The following RUNX1 variants were observed in gnomAD, a reference collection of about 807,000 sequenced individuals.
RUNX1 encodes the protein RUNX family transcription factor 1.
Under a neutral mutation model 42.8 loss-of-function variants are expected in RUNX1, and 19 were observed. That is an observed-to-expected ratio of 0.44 (90% CI 0.31 to 0.65). The LOEUF is 0.65. RUNX1 is among the 30% of genes least tolerant of loss of function. RUNX1 has a pLI of 0.07. For synonymous variants in RUNX1, 271 were observed against 289.4 expected, an observed-to-expected ratio of 0.94 and a Z score of 0.64; for missense variants, 528 against 672.0, an observed-to-expected ratio of 0.79 and a Z score of 2.37.
intron 2 of RUNX1, among the ~76,000 whole-genome samples, chr21:34,956,977 A>G (rs2146689187): frequency 6.6e-6 from 1 of 152,334 alleles, no homozygotes; most frequent in East Asian, 1.9e-4. Flanking sequence ...TGGCAGGGCC[A>G]CGGGTTACAG....
At chr21:35,010,645 A>ACTCATT (rs1218141902) in intron 2 of RUNX1, among the ~76,000 whole-genome samples, 2 of 151,782 alleles carry the variant, frequency 1.3e-5, no homozygotes, top group African/African-American at 4.8e-5. Context: ...ACACACACAC[A>ACTCATT]CACACACTCA....
intron 5 of RUNX1, among the ~76,000 whole-genome samples, chr21:34,874,123 T>C (rs1017341332): frequency 7.6e-5 from 11 of 144,966 alleles, no homozygotes; most frequent in African/African-American, 2.5e-4. Flanking sequence ...GATATTCTCA[T>C]TCTCTCTCTC....
chr21:34,925,112 T>C (rs1252254463), intron 2 of RUNX1, among the ~76,000 whole-genome samples: 1 of 152,210 alleles, frequency 6.6e-6, no homozygotes, highest in Non-Finnish European at 1.5e-5. Flanking sequence ...GTGAGTTCTA[T>C]GCAGGTGCAA....
intron 7 of RUNX1, among the ~76,000 whole-genome samples, chr21:34,809,184 T>C (rs142968557): frequency 3.4e-4 from 51 of 152,208 alleles, no homozygotes; most frequent in African/African-American, 1.1e-3. Context: ...CAGCACATCA[T>C]GGATGTTTAG....
intron 2 of RUNX1, among the ~76,000 whole-genome samples, chr21:34,900,632 C>T (rs1300504197): frequency 6.6e-6 from 1 of 152,226 alleles, no homozygotes; most frequent in Non-Finnish European, 1.5e-5. Flanking sequence ...TTTTTACAGC[C>T]ATGGATAGCC....
chr21:34,905,308 A>G (rs2058209786), intron 2 of RUNX1, among the ~76,000 whole-genome samples: 1 of 152,220 alleles, frequency 6.6e-6, no homozygotes, highest in South Asian at 2.1e-4. Flanking sequence ...AGGCATATCC[A>G]GGCTAGCAAT....
chr21:34,857,286 T>C (rs1391766013), intron 6 of RUNX1, among the ~76,000 whole-genome samples: 1 of 152,216 alleles, frequency 6.6e-6, no homozygotes, highest in Non-Finnish European at 1.5e-5. Flanking sequence ...TTTTCTTAAG[T>C]TGTAAAACAG....
chr21:34,793,734 C>G (rs1222160430), intron 8 of RUNX1, among the ~76,000 whole-genome samples: 1 of 151,282 alleles, frequency 6.6e-6, no homozygotes, highest in Non-Finnish European at 1.5e-5. Context: ...GACAAAGTCT[C>G]GCTCTGTCAC....
intron 2 of RUNX1, among the ~76,000 whole-genome samples, chr21:34,983,240 C>T (rs977331774): frequency 2.0e-5 from 3 of 152,148 alleles, no homozygotes; most frequent in African/African-American, 7.2e-5. Flanking sequence ...ATTAGAAACT[C>T]GAATGGTGAT....
Position 34,843,197 on chromosome 21 carries a change from C to T in RUNX1, c.614-8596G>A, listed in dbSNP as rs2057266576. 6.6e-6 allele frequency among the ~76,000 whole-genome samples: 1 copy of T among 152,102 alleles called. No homozygotes were observed. Among genetic ancestry groups the T allele is most frequent in the Admixed American group, 6.5e-5 (1 of 15,270 alleles). ...AAACACATACAGACACACACATACA[C>T]AGACACCTGGACACACACACAGATA... On this transcript the variant is annotated intron_variant, in intron 6 of 8. Transcript: ENST00000675419. The surrounding 1 kb of genome is among the most constrained non-coding windows in gnomAD (Gnocchi z 4.8).
chr21:34,978,076 T>C (rs1353007014), intron 2 of RUNX1, among the ~76,000 whole-genome samples: 1 of 152,170 alleles, frequency 6.6e-6, no homozygotes, highest in Non-Finnish European at 1.5e-5. Flanking sequence ...CAGCTGGGAC[T>C]ACAGTCACGT....
chr21:34,944,543 T>C (rs555179489), intron 2 of RUNX1, among the ~76,000 whole-genome samples: 1 of 152,334 alleles, frequency 6.6e-6, no homozygotes, highest in East Asian at 1.9e-4. Flanking sequence ...TTTGGGTGGT[T>C]GGCCTCATGT....
At chr21:35,043,520 A>C (rs1367366808) in intron 2 of RUNX1, among the ~76,000 whole-genome samples, 3 of 152,232 alleles carry the variant, frequency 2.0e-5, no homozygotes, top group African/African-American at 7.2e-5. Context: ...TTCTAAACAG[A>C]AAATAAAATA....
intron 2 of RUNX1, among the ~76,000 whole-genome samples, chr21:35,013,227 A>G (rs1310947541): frequency 1.3e-5 from 2 of 152,208 alleles, no homozygotes; most frequent in Admixed American, 1.3e-4. Context: ...TTGGGGGTCT[A>G]TAGATTTAGT....
At chr21:34,834,624 G>T in intron 6 of RUNX1, 23 bp from the exon 7 acceptor site, 7 of 1,461,252 alleles carry the variant, frequency 4.8e-6, no homozygotes, top group Non-Finnish European at 6.7e-6. Flanking sequence ...GCAGGGAGGG[G>T]AGGGGATGGG....
intron 2 of RUNX1, among the ~76,000 whole-genome samples, chr21:35,023,013 C>T (rs1028289901): frequency 5.3e-5 from 8 of 151,712 alleles, no homozygotes; most frequent in Middle Eastern, 3.4e-3. Context: ...AGCATGATTA[C>T]GGCTCACTGC....
chr21:34,978,937 TACACACACACACACACAC>T (rs10673190), intron 2 of RUNX1, among the ~76,000 whole-genome samples: 3 of 134,148 alleles, frequency 2.2e-5, no homozygotes, highest in East Asian at 2.2e-4. Flanking sequence ...CACACACAGA[TACACACACACACACACAC>T]ACACACACAC....
chr21:34,950,564 C>A (rs1363009612), intron 2 of RUNX1, among the ~76,000 whole-genome samples: 1 of 152,162 alleles, frequency 6.6e-6, no homozygotes, highest in Non-Finnish European at 1.5e-5. Flanking sequence ...CACGGCAAAA[C>A]CCCATCTCTA....
At chr21:34,989,383 A>G in intron 2 of RUNX1, among the ~76,000 whole-genome samples, 1 of 151,880 alleles carries the variant, frequency 6.6e-6, no homozygotes, top group East Asian at 1.9e-4. Context: ...CTACAGCTTA[A>G]ATGACTGATA....
Sources: gnomAD v4.1 joint callset for allele counts (sites outside exome capture counted in the v4.1 genomes callset) on GRCh38, gnomAD v4.1.1 for gene constraint, Gnocchi (gnomAD v3.1) non-coding constraint, MANE v1.5 for transcripts, NCBI Gene and HGNC (gene_info 2026-07-23, HGNC 2026-07-21) for gene names.